Variants in SLC41A3 observed in about 807,000 individuals in gnomAD.
SLC41A3 encodes the protein solute carrier family 41 member 3, also known as SLC41A1-like 2.
SLC41A3 carries 44 observed loss-of-function variants against 45.4 expected under a neutral mutation model. That is an observed-to-expected ratio of 0.97 (90% CI 0.76 to 1.25). The LOEUF (loss-of-function observed/expected upper bound fraction) is 1.25, where lower values mean the gene tolerates loss of function less well. SLC41A3 is among the 50% of genes most tolerant of loss of function. The pLI is 0.00. For synonymous variants in SLC41A3, 256 were observed against 252.4 expected (o/e 1.01, Z -0.13); for missense variants, 550 against 600.6 (o/e 0.92, Z 0.88).
At chr3:126,099,657 G>T (rs1466855083) in intron 1 of SLC41A3, among the ~76,000 whole-genome samples, 1 of 152,154 alleles carries the variant, frequency 6.6e-6, no homozygotes, top group South Asian at 2.1e-4. Flanking sequence ...CTGAGATTGC[G>T]CCACTACACT....
rs183568079 is a variant in SLC41A3, at chr3:126,060,974, G to A, written c.273+6973C>T. On this transcript the variant is annotated intron_variant, in intron 2 of 10. Transcript: ENST00000360370. ...TCCACAAAGACCACAGGATCAGAAC[G>A]TTGAGGACCACTGATCTCTGCCCAC... 1.9e-3 allele frequency among the ~76,000 whole-genome samples: 295 copies of A among 152,340 alleles called. 1 individual carries two copies. The highest frequency in any genetic ancestry group is 3.1e-3 in the Admixed American group (48 of 15,306).
intron 6 of SLC41A3, among the ~76,000 whole-genome samples, chr3:126,020,468 T>C (rs1472431906): frequency 6.6e-6 from 1 of 152,216 alleles, no homozygotes; most frequent in Non-Finnish European, 1.5e-5. Flanking sequence ...TTCTCTACCA[T>C]ATGGCCAGGC....
At chr3:126,058,919 G>A (rs1316894832) in intron 2 of SLC41A3, among the ~76,000 whole-genome samples, 1 of 152,118 alleles carries the variant, frequency 6.6e-6, no homozygotes, top group East Asian at 1.9e-4. Context: ...CTCATGGCCA[G>A]CTGAGGCACC....
At chr3:126,085,017 G>A (rs1039889316), upstream of SLC41A3, among the ~76,000 whole-genome samples, 4 of 152,092 alleles carry the variant, frequency 2.6e-5, no homozygotes, top group Admixed American at 1.3e-4. Flanking sequence ...CTTCATCTGC[G>A]TGATAAAACA....
intron 4 of SLC41A3, among the ~76,000 whole-genome samples, chr3:126,032,021 T>TA (rs1340180805): frequency 6.6e-6 from 1 of 152,152 alleles, no homozygotes; most frequent in Non-Finnish European, 1.5e-5. Flanking sequence ...CACCTGGTGT[T>TA]AGGTAGGAAC....
At chr3:126,047,417 A>G (rs1943036368) in intron 3 of SLC41A3, among the ~76,000 whole-genome samples, 1 of 152,248 alleles carries the variant, frequency 6.6e-6, no homozygotes, top group Non-Finnish European at 1.5e-5. Flanking sequence ...AAATACATTT[A>G]TAGATTCCTA....
intron 2 of SLC41A3, among the ~76,000 whole-genome samples, chr3:126,061,305 A>T (rs1944054039): frequency 6.6e-6 from 1 of 152,136 alleles, no homozygotes; most frequent in African/African-American, 2.4e-5. Flanking sequence ...GGCAGAACCC[A>T]CCCACAGGTG....
intron 1 of SLC41A3, among the ~76,000 whole-genome samples, chr3:126,072,819 G>A (rs1297052724): frequency 6.6e-6 from 1 of 152,158 alleles, no homozygotes; most frequent in Non-Finnish European, 1.5e-5. Flanking sequence ...CACACGCACA[G>A]GTATGTTCAT....
chr3:126,022,040 AAC>A (rs1940930781), intron 6 of SLC41A3, among the ~76,000 whole-genome samples: 2 of 152,134 alleles, frequency 1.3e-5, no homozygotes, highest in Admixed American at 1.3e-4. Context: ...TGAAGCAAAC[AAC>A]ACACTTGATT....
At chr3:126,059,263 G>GAAAAGAAAGAGAAAGAAAGAAAGAAAGA (rs5852464) in intron 2 of SLC41A3, among the ~76,000 whole-genome samples, 1 of 11,738 alleles carries the variant, frequency 8.5e-5, no homozygotes, top group Non-Finnish European at 1.5e-4. Context: ...AAGAAAGAAA[G>GAAAAGAAAGAGAAAGAAAGAAAGAAAGA]AAGAAAGAAA....
At chr3:126,060,455 C>CACACACACACACACAT (rs1559871377) in intron 2 of SLC41A3, among the ~76,000 whole-genome samples, 1 of 152,118 alleles carries the variant, frequency 6.6e-6, no homozygotes, top group East Asian at 1.9e-4. Flanking sequence ...CACACACACA[C>CACACACACACACACAT]ACACACGTGC....
At chr3:126,033,844 T>C (rs1941988072) in intron 3 of SLC41A3, among the ~76,000 whole-genome samples, 166 bp from the exon 4 acceptor site, 1 of 151,882 alleles carries the variant, frequency 6.6e-6, no homozygotes, top group East Asian at 1.9e-4. Flanking sequence ...CTGGCCTTCT[T>C]ATACGGGGAG....
In SLC41A3 at chr3:126,015,501, G is replaced by C. The variant is rs1559809882; in HGVS notation, c.963C>G (p.Val321=). Residue 321 remains valine (V), a synonymous_variant, in exon 8 of 11, where the codon GTC becomes GTG. Coordinates refer to ENST00000360370, the MANE Select transcript of SLC41A3 (RefSeq NM_017836.4). ...AACCCTTCAAATACGTACCACATAT[G>C]ACGGGGGTAAATATCGCCATGCCTT... ...QYKGMAIFTP[V]ICGVGGNLVA... is the part of the protein sequence containing the mutation. 1 of 1,614,208 alleles carries C rather than the reference G, an allele frequency of 6.2e-7. No homozygotes were observed. Among genetic ancestry groups the C allele is most frequent in the Non-Finnish European group, 8.5e-7 (1 of 1,180,020 alleles).
At chr3:126,046,678 T>C (rs1274903470) in intron 3 of SLC41A3, among the ~76,000 whole-genome samples, 2 of 152,146 alleles carry the variant, frequency 1.3e-5, no homozygotes, top group East Asian at 3.9e-4. Flanking sequence ...ATATCAATAC[T>C]AGGCTGGGCA....
At chr3:126,034,334 C>G (rs1365786273) in intron 3 of SLC41A3, among the ~76,000 whole-genome samples, 1 of 152,168 alleles carries the variant, frequency 6.6e-6, no homozygotes, top group South Asian at 2.1e-4. Context: ...TAACACTTAC[C>G]AACAAAATTC....
intron 2 of SLC41A3, among the ~76,000 whole-genome samples, chr3:126,061,433 C>T (rs1213175921): frequency 1.3e-5 from 2 of 152,152 alleles, no homozygotes; most frequent in Non-Finnish European, 2.9e-5. Flanking sequence ...TTCTTGGCCT[C>T]CCTCCGCAGG....
chr3:126,063,949 A>ACCCCCCCCCCCCCC (rs56806357), intron 2 of SLC41A3, among the ~76,000 whole-genome samples: 9 of 102,074 alleles, frequency 8.8e-5, no homozygotes, highest in Admixed American at 1.2e-4. Context: ...GCCAGATCCA[A>ACCCCCCCCCCCCCC]CCCCCCCCCG....
intron 2 of SLC41A3, among the ~76,000 whole-genome samples, chr3:126,065,121 G>T (rs1223831193): frequency 1.3e-5 from 2 of 152,222 alleles, no homozygotes; most frequent in Non-Finnish European, 2.9e-5. Flanking sequence ...CCAGCACCAG[G>T]AGGTGAGTTC....
Position 126,016,719 on chromosome 3 carries a change from G to A in SLC41A3, c.890+12C>T. The A allele has an allele frequency of 3.1e-6, 5 of 1,600,414 alleles. No homozygotes were observed. The highest frequency in any genetic ancestry group is 4.3e-6 in the Non-Finnish European group (5 of 1,174,880). On this transcript the variant is annotated intron_variant, in intron 7 of 10. Coordinates refer to ENST00000360370, the MANE Select transcript of SLC41A3 (RefSeq NM_017836.4). ...AGGAGGAAGAGGGGCCGTGGCCCTG[G>A]CTCCTGCTCACCTGCTGATGACCAT...
Sources: allele counts gnomAD v4.1 joint callset (sites outside exome capture counted in the v4.1 genomes callset), GRCh38; gene constraint gnomAD v4.1.1; transcripts MANE v1.5; gene names NCBI Gene and HGNC (gene_info 2026-07-23, HGNC 2026-07-21).